SGCD: variants seen among roughly 807,000 people sequenced by gnomAD.
SGCD encodes sarcoglycan delta.
SGCD carries 18 observed loss-of-function variants against 36.6 expected under a neutral mutation model. The ratio of observed to expected loss-of-function variants is 0.49; its 90% CI spans 0.34 to 0.73. The LOEUF is 0.73. Ranked by LOEUF, SGCD falls within the 30% of genes least tolerant of loss-of-function variation. SGCD has a pLI of 0.01. For missense variants in SGCD, 387 were observed against 346.7 expected (o/e 1.12, Z -0.92); for synonymous variants, 133 against 130.6 (o/e 1.02, Z -0.12).
At chr5:156,126,620 T>C (rs925668858) in intron 3 of SGCD, among the ~76,000 whole-genome samples, 2 of 152,142 alleles carry the variant, frequency 1.3e-5, no homozygotes, top group Non-Finnish European at 1.5e-5. Flanking sequence ...TGAGGCAGTG[T>C]TGGTACTATC....
At chr5:156,521,660 C>A (rs1317676445) in intron 4 of SGCD, among the ~76,000 whole-genome samples, 1 of 152,174 alleles carries the variant, frequency 6.6e-6, no homozygotes, top group Non-Finnish European at 1.5e-5. Flanking sequence ...CACCTCACGG[C>A]AGTCAAAATG....
At chr5:156,707,362 T>C (rs1319492164) in intron 7 of SGCD, among the ~76,000 whole-genome samples, 1 of 152,154 alleles carries the variant, frequency 6.6e-6, no homozygotes, top group Non-Finnish European at 1.5e-5. Context: ...TCTTCATCTA[T>C]TATAATTATT....
intron 3 of SGCD, among the ~76,000 whole-genome samples, chr5:156,473,126 A>G (rs1755040424): frequency 1.3e-5 from 2 of 152,208 alleles, no homozygotes; most frequent in South Asian, 4.1e-4. Context: ...GAATTGAGTG[A>G]CTATTTCAGC....
intron 3 of SGCD, among the ~76,000 whole-genome samples, chr5:156,146,960 A>G (rs1762721533): frequency 6.6e-6 from 1 of 152,232 alleles, no homozygotes; most frequent in East Asian, 1.9e-4. Flanking sequence ...TTACTTTGCC[A>G]AAGTATAATA....
rs1356136424 is a variant in SGCD at position 156,766,864 on chromosome 5, C to T, written c.*7474C>T. 1 of 152,100 alleles carries T rather than the reference C, an allele frequency of 6.6e-6. No individual in the cohort carries two copies. The highest frequency in any genetic ancestry group is 2.4e-5 in the African/African-American group (1 of 41,380). 9.4% of individuals were successfully genotyped at this position (152,100 alleles called of 1,614,324 possible). On this transcript the variant is annotated 3_prime_UTR_variant, in exon 9 of 9. Transcript: ENST00000337851. ...GCCACAGCAGCAAAGAGGTTGGGGT[C>T]CATCCCTCTCTGATGTGCTTTTTCC...
chr5:155,781,239 G>T, the SGCD span, among the ~76,000 whole-genome samples: 1 of 152,104 alleles, frequency 6.6e-6, no homozygotes, highest in Admixed American at 6.6e-5. Context: ...TTTTGTTGAA[G>T]ATTTTTTTGG....
intron 7 of SGCD, among the ~76,000 whole-genome samples, chr5:156,715,511 T>C (rs1418420267): frequency 6.6e-6 from 1 of 152,202 alleles, no homozygotes; most frequent in African/African-American, 2.4e-5. Flanking sequence ...ATGCCGCCAT[T>C]TCATCATCAT....
intron 1 of SGCD, among the ~76,000 whole-genome samples, chr5:155,991,048 AAC>A (rs1758422535): frequency 6.6e-6 from 1 of 152,164 alleles, no homozygotes; most frequent in Non-Finnish European, 1.5e-5. Flanking sequence ...CTGTGTTTGT[AAC>A]ACATTCCCAG....
chr5:155,810,630 G>A, the SGCD span, among the ~76,000 whole-genome samples: 1 of 151,844 alleles, frequency 6.6e-6, no homozygotes, highest in South Asian at 2.1e-4. Context: ...GCTAAATGTT[G>A]ATAAAATTCA....
chr5:156,102,696 C>T (rs1372984442), intron 1 of SGCD, among the ~76,000 whole-genome samples: 2 of 152,136 alleles, frequency 1.3e-5, no homozygotes. Context: ...GGTGCTTTGT[C>T]TGGTAAAATA....
intron 4 of SGCD, among the ~76,000 whole-genome samples, chr5:156,510,933 A>C (rs1756899857): frequency 6.6e-6 from 1 of 152,232 alleles, no homozygotes; most frequent in African/African-American, 2.4e-5. Flanking sequence ...GTATGCAGGA[A>C]TTGGATGTCT....
chr5:156,545,477 G>C (rs1268599783), intron 4 of SGCD, among the ~76,000 whole-genome samples: 1 of 151,922 alleles, frequency 6.6e-6, no homozygotes, highest in African/African-American at 2.4e-5. Flanking sequence ...CGGGAGTCGG[G>C]GTTGGGGGAT....
rs192308980 is a variant in SGCD, at chr5:156,541,007, G to A, written c.294+32305G>A. Among the ~76,000 whole-genome samples the A allele has an allele frequency of 3.4e-4, 52 of 152,300 alleles. No homozygotes were observed. In the East Asian group the frequency reaches 9.8e-3, roughly 29 times the overall value. On this transcript the variant is annotated intron_variant, in intron 4 of 8. Coordinates refer to ENST00000337851, the MANE Select transcript of SGCD (RefSeq NM_000337.6). Reference sequence around the variant, plus strand: ...ATGAAGAAGACAAAGTGTGACGTAAGGAGAAACTAATCCATTGTTCTTATG... The same window carrying A: ...ATGAAGAAGACAAAGTGTGACGTAAAGAGAAACTAATCCATTGTTCTTATG...
chr5:156,639,314 A>G (rs935393605), intron 6 of SGCD, among the ~76,000 whole-genome samples: 3 of 152,154 alleles, frequency 2.0e-5, no homozygotes, highest in Non-Finnish European at 4.4e-5. Context: ...ATTCCTCTTC[A>G]CAGTCTTCAT....
intron 1 of SGCD, among the ~76,000 whole-genome samples, chr5:156,079,584 T>A (rs1354085918): frequency 6.6e-6 from 1 of 152,056 alleles, no homozygotes; most frequent in Non-Finnish European, 1.5e-5. Context: ...CATTCCAAAA[T>A]GGAGAAATAG....
chr5:155,769,418 A>G, the SGCD span, among the ~76,000 whole-genome samples: 8 of 150,478 alleles, frequency 5.3e-5, no homozygotes, highest in South Asian at 2.1e-4. Flanking sequence ...CCGGAGGCAT[A>G]TTCAATTGTA....
the SGCD span, among the ~76,000 whole-genome samples, chr5:155,749,419 T>C: frequency 6.6e-6 from 1 of 152,246 alleles, no homozygotes; most frequent in Non-Finnish European, 1.5e-5. Flanking sequence ...GATTATACAG[T>C]TGATTCGGTT....
At chr5:156,531,246 A>C (rs1340244064) in intron 4 of SGCD, among the ~76,000 whole-genome samples, 1 of 152,216 alleles carries the variant, frequency 6.6e-6, no homozygotes, top group Admixed American at 6.5e-5. Flanking sequence ...AGCAGCCCTC[A>C]CCAGACAACT....
Position 156,356,196 on chromosome 5 carries a change from C to T in SGCD, c.192+11519C>T, listed in dbSNP as rs547726303. Among the ~76,000 whole-genome samples the T allele has an allele frequency of 2.0e-5, 3 of 152,338 alleles. No individual in the cohort carries two copies. In the East Asian group the frequency reaches 5.8e-4, roughly 29 times the overall value. ...TAAAACAGCAATAATTTGTTTTACTCATGATTCTGCAGATTGGGCAGAGCT... is the reference window on the plus strand; with the variant it reads ...TAAAACAGCAATAATTTGTTTTACTTATGATTCTGCAGATTGGGCAGAGCT... On this transcript the variant is annotated intron_variant, in intron 3 of 8. Transcript: ENST00000337851.
Sources: allele counts gnomAD v4.1 joint callset (sites outside exome capture counted in the v4.1 genomes callset), GRCh38; gene constraint gnomAD v4.1.1; transcripts MANE v1.5; gene names NCBI Gene and HGNC (gene_info 2026-07-23, HGNC 2026-07-21).